The following EEIG2 variants were observed in gnomAD, a reference collection of about 807,000 sequenced individuals.
EEIG2 encodes the protein family with sequence similarity 102 member B.
chr1:108,572,774 C>T, the EEIG2 span, among the ~76,000 whole-genome samples: 3 of 152,254 alleles, frequency 2.0e-5, no homozygotes, highest in East Asian at 3.9e-4. Context: ...CGCCACCACA[C>T]CCGGCTAATT....
the EEIG2 span, chr1:108,600,642 A>G: frequency 1.1e-5 from 18 of 1,611,006 alleles, no homozygotes; most frequent in Admixed American, 3.4e-5. Flanking sequence ...AAGTGCTGCC[A>G]CAGGCATCCT....
chr1:108,606,197 C>T, the EEIG2 span: 2 of 1,475,662 alleles, frequency 1.4e-6, no homozygotes, highest in South Asian at 1.3e-5. Context: ...ATGTGATATC[C>T]TTATAGTATT....
At chr1:108,576,829 G>GT in the EEIG2 span, among the ~76,000 whole-genome samples, 5 of 152,074 alleles carry the variant, frequency 3.3e-5, no homozygotes, top group African/African-American at 1.2e-4. Flanking sequence ...GGATGGCTGG[G>GT]TCAAATGGTA....
chr1:108,576,961 G>T, the EEIG2 span, among the ~76,000 whole-genome samples: 1 of 151,240 alleles, frequency 6.6e-6, no homozygotes, highest in African/African-American at 2.4e-5. Context: ...AGCACCTGTT[G>T]TTTCCTGACT....
the EEIG2 span, among the ~76,000 whole-genome samples, chr1:108,583,372 T>A: frequency 6.6e-6 from 1 of 151,946 alleles, no homozygotes; most frequent in African/African-American, 2.4e-5. Flanking sequence ...CTTGAACTCC[T>A]GAGCTCAAGC....
chr1:108,591,204 G>A, the EEIG2 span, among the ~76,000 whole-genome samples: 1 of 152,178 alleles, frequency 6.6e-6, no homozygotes, highest in Non-Finnish European at 1.5e-5. Flanking sequence ...TGTTTCCATG[G>A]TAACCCATCA....
chr1:108,561,150 G>A, the EEIG2 span, among the ~76,000 whole-genome samples: 8 of 152,220 alleles, frequency 5.3e-5, no homozygotes, highest in African/African-American at 1.9e-4. Context: ...GCCACTAGTA[G>A]GTCTCCTTGT....
chr1:108,609,189 G>A, the EEIG2 span, among the ~76,000 whole-genome samples: 1 of 152,100 alleles, frequency 6.6e-6, no homozygotes, highest in Non-Finnish European at 1.5e-5. Context: ...TAAGCCAATG[G>A]GCTATTGTTT....
the EEIG2 span, chr1:108,638,797 T>TGG: frequency 1.3e-5 from 2 of 152,350 alleles, no homozygotes; most frequent in Non-Finnish European, 2.9e-5. Context: ...TAAGATGCTC[T>TGG]GGAAATAAAG....
At chr1:108,607,443 A>C in the EEIG2 span, among the ~76,000 whole-genome samples, 11 of 152,178 alleles carry the variant, frequency 7.2e-5, no homozygotes, top group Admixed American at 2.0e-4. Flanking sequence ...TGGTTAGCTT[A>C]AACTAATCAC....
chr1:108,570,638 C>T, the EEIG2 span, among the ~76,000 whole-genome samples: 3 of 152,134 alleles, frequency 2.0e-5, no homozygotes, highest in Non-Finnish European at 2.9e-5. Context: ...TGGCAGTATA[C>T]GTGTTCATGC....
At chr1:108,623,919 G>A in the EEIG2 span, among the ~76,000 whole-genome samples, 3 of 151,884 alleles carry the variant, frequency 2.0e-5, no homozygotes, top group East Asian at 1.9e-4. Flanking sequence ...TGATCCACCC[G>A]CCTTGGCCTC....
the EEIG2 span, among the ~76,000 whole-genome samples, chr1:108,587,896 A>G: frequency 6.6e-6 from 1 of 152,218 alleles, no homozygotes; most frequent in East Asian, 1.9e-4. Context: ...GCATAGTTAG[A>G]GCAAAATAAA....
the EEIG2 span, among the ~76,000 whole-genome samples, chr1:108,618,420 G>A: frequency 6.6e-6 from 1 of 152,224 alleles, no homozygotes; most frequent in South Asian, 2.1e-4. Context: ...CACAGAGAGT[G>A]AGCATGAATG....
the EEIG2 span, among the ~76,000 whole-genome samples, chr1:108,569,659 A>G: frequency 6.6e-6 from 1 of 152,066 alleles, no homozygotes; most frequent in South Asian, 2.1e-4. Context: ...TCTAACTCCA[A>G]AATTCTATGA....
chr1:108,614,016 A>G, the EEIG2 span, among the ~76,000 whole-genome samples: 3 of 151,674 alleles, frequency 2.0e-5, no homozygotes, highest in African/African-American at 4.8e-5. Flanking sequence ...TCTTCCTCCT[A>G]CCACTGTCTC....
the EEIG2 span, among the ~76,000 whole-genome samples, chr1:108,565,386 A>G: frequency 6.6e-6 from 1 of 152,246 alleles, no homozygotes; most frequent in African/African-American, 2.4e-5. Context: ...GTTGTTGACC[A>G]AAATGTCCTC....
At chr1:108,637,271 C>T in the EEIG2 span, 1 of 152,094 alleles carries the variant, frequency 6.6e-6, no homozygotes, top group Non-Finnish European at 1.5e-5. Flanking sequence ...AATAGAAACA[C>T]TGATAAGGAA....
chr1:108,612,960 A>T, the EEIG2 span, among the ~76,000 whole-genome samples: 1 of 152,278 alleles, frequency 6.6e-6, no homozygotes, highest in African/African-American at 2.4e-5. Flanking sequence ...TTCAAAAGTT[A>T]GTGAAGCAAA....
Sources: gnomAD v4.1 joint callset for allele counts (sites outside exome capture counted in the v4.1 genomes callset) on GRCh38, gnomAD v4.1.1 for gene constraint, MANE v1.5 for transcripts, NCBI Gene and HGNC (gene_info 2026-07-23, HGNC 2026-07-21) for gene names.